The following CSAD variants were observed in gnomAD, a reference collection of about 807,000 sequenced individuals.
CSAD encodes the protein cysteine sulfinic acid decarboxylase, also known as P-selectin cytoplasmic tail-associated protein.
In CSAD, 47 loss-of-function variants were observed where a neutral mutation model predicts 61.5. The ratio of observed to expected loss-of-function variants is 0.76; its 90% CI spans 0.60 to 0.97. The LOEUF (loss-of-function observed/expected upper bound fraction) is 0.97, where lower values mean the gene tolerates loss of function less well. CSAD is among the 50% of genes least tolerant of loss of function. The pLI is 0.00. For missense variants in CSAD, 611 were observed against 643.6 expected, an observed-to-expected ratio of 0.95 and a Z score of 0.55; for synonymous variants, 245 against 252.7, an observed-to-expected ratio of 0.97 and a Z score of 0.29.
intron 16 of CSAD, among the ~76,000 whole-genome samples, chr12:53,159,274 G>T (rs1284928872): frequency 6.6e-6 from 1 of 152,128 alleles, no homozygotes; most frequent in Non-Finnish European, 1.5e-5. Flanking sequence ...TTCTAGACTG[G>T]CTTTCTCGGG....
At chr12:53,170,256 A>G (rs552005686) in intron 9 of CSAD, 130 bp from the exon 10 acceptor site, 2 of 1,013,504 alleles carry the variant, frequency 2.0e-6, no homozygotes, top group Admixed American at 2.0e-5. Flanking sequence ...CTCAGGGCAG[A>G]GGTGGGAGAC....
intron 10 of CSAD, among the ~76,000 whole-genome samples, chr12:53,167,151 G>A (rs902792024): frequency 6.6e-6 from 1 of 152,194 alleles, no homozygotes; most frequent in Non-Finnish European, 1.5e-5. Flanking sequence ...CCCACTTGAT[G>A]ACTAGGAGAG....
chr12:53,171,506 C>T (rs1370829562), intron 7 of CSAD, 65 bp from the exon 8 acceptor site: 1 of 1,487,238 alleles, frequency 6.7e-7, no homozygotes, highest in Non-Finnish European at 9.2e-7. Flanking sequence ...GCTTGCCTCC[C>T]TTCCCTTTCT....
chr12:53,178,309 C>A (rs927592391), intron 2 of CSAD: 15 of 450,354 alleles, frequency 3.3e-5, no homozygotes, highest in Non-Finnish European at 5.3e-5. Flanking sequence ...CCTGTCTCTA[C>A]AAAAAACAAA....
In CSAD at chr12:53,180,747, G is replaced by T; in HGVS notation, c.-106C>A. 1.6e-6 allele frequency: 2 copies of T among 1,266,674 alleles called. No individual in the cohort carries two copies. Among genetic ancestry groups the T allele is most frequent in the Non-Finnish European group, 1.0e-6 (1 of 978,144 alleles). 78.5% of individuals were successfully genotyped at this position (1,266,674 alleles called of 1,614,324 possible). A position where few individuals can be genotyped will look rare whatever the true frequency, so the allele number is the denominator to read the frequency against. ...GTAAACTTGCCTCGGTCCCGGTGGG[G>T]GCAGCCGCGGCGGTGGGGTTGGCAG... On this transcript the variant is annotated 5_prime_UTR_variant, in exon 1 of 17. Coordinates refer to ENST00000444623, the MANE Select transcript of CSAD (RefSeq NM_001244705.2).
intron 10 of CSAD, among the ~76,000 whole-genome samples, chr12:53,168,934 C>A (rs1940227259): frequency 6.6e-6 from 1 of 151,428 alleles, no homozygotes; most frequent in African/African-American, 2.4e-5. Context: ...AATCCCAGCA[C>A]TTTGGGAGGC....
chr12:53,176,177 A>ATCACCTGAGG, intron 2 of CSAD, among the ~76,000 whole-genome samples: 1 of 152,076 alleles, frequency 6.6e-6, no homozygotes, highest in South Asian at 2.1e-4. Context: ...AGGCAGGTGG[A>ATCACCTGAGG]TCACCTGAGG....
rs780191513 is a variant in CSAD at position 53,170,486 on chromosome 12, T to C, written c.584A>G (p.Gln195Arg). Reference protein sequence around the residue: ...FTSKECHYSIQKGAAFLGLGT... With the variant: ...FTSKECHYSIRKGAAFLGLGT... ...AAGTCCCAGAAACGCAGCTCCCTTC[T>C]GGATGGAGTAGTGACACTGTGGGGG... is the stretch of plus-strand genomic sequence containing the variant. The change falls in exon 9 of 17, where the codon CAG (glutamine) becomes CGG (arginine). Residue 195 changes from glutamine (Q) to arginine (R), a missense_variant. Physicochemically the swap from Gln to Arg is conservative, Grantham distance 43 (BLOSUM62 1). Transcript: ENST00000444623. 3.1e-6 allele frequency: 5 copies of C among 1,613,990 alleles called. No homozygotes were observed. The South Asian group carries it at 5.5e-5, about 18-fold the overall frequency.
At chr12:53,159,839 A>T (rs369092249) in intron 15 of CSAD, 48 bp downstream of exon 15, 33 of 1,562,358 alleles carry the variant, frequency 2.1e-5, no homozygotes, top group Non-Finnish European at 2.8e-5. Context: ...TGGGGGCTGC[A>T]AAAGAGCTAG....
intron 1 of CSAD, 35 bp downstream of exon 1, chr12:53,180,697 G>T: frequency 9.4e-6 from 12 of 1,272,482 alleles, no homozygotes; most frequent in Non-Finnish European, 1.1e-5. Context: ...AGTGCTTCCG[G>T]GGAAACGGGC....
chr12:53,170,271 G>C, intron 9 of CSAD, 145 bp from the exon 10 acceptor site: 7 of 975,050 alleles, frequency 7.2e-6, no homozygotes, highest in Non-Finnish European at 1.1e-5. Context: ...GGAGACGCTG[G>C]CAGGCTCTGG....
Position 53,174,797 on chromosome 12 carries a change from T to A in CSAD, c.-49-1027A>T, listed in dbSNP as rs73309149. ...ACAGAGTGGGACTCCATTTCAAAAA[T>A]ATATATATATATGGAGGAATTAAGG... On this transcript the variant is annotated intron_variant, in intron 2 of 16. Transcript: ENST00000444623. Among the ~76,000 whole-genome samples, 1,318 of 151,746 alleles carry A rather than the reference T, an allele frequency of 8.7e-3. 27 individuals are homozygous for A. The highest frequency in any genetic ancestry group is 0.029 in the African/African-American group (1,216 of 41,428).
At chr12:53,173,181 C>T in intron 4 of CSAD, 164 bp downstream of exon 4, 2 of 679,912 alleles carry the variant, frequency 2.9e-6, no homozygotes, top group Non-Finnish European at 4.8e-6. Context: ...GCACTCCAGC[C>T]TGGCCGATAG....
chr12:53,164,153 T>G (rs1236248647), intron 10 of CSAD, among the ~76,000 whole-genome samples: 1 of 152,158 alleles, frequency 6.6e-6, no homozygotes, highest in Non-Finnish European at 1.5e-5. Context: ...ATAAAACTCT[T>G]AGAAGAAAAT....
intron 10 of CSAD, among the ~76,000 whole-genome samples, chr12:53,162,351 C>CCT (rs2121413470): frequency 6.7e-6 from 1 of 150,298 alleles, no homozygotes; most frequent in East Asian, 2.0e-4. Flanking sequence ...GGGTGGATCA[C>CCT]GAGATCAGGA....
intron 10 of CSAD, among the ~76,000 whole-genome samples, chr12:53,168,329 A>C (rs1263475440): frequency 6.6e-6 from 1 of 152,214 alleles, no homozygotes; most frequent in African/African-American, 2.4e-5. Flanking sequence ...ATGCTAAACC[A>C]CTAAATAGTA....
intron 10 of CSAD, among the ~76,000 whole-genome samples, chr12:53,162,297 C>T (rs140472409): frequency 1.2e-3 from 176 of 151,930 alleles, no homozygotes; most frequent in African/African-American, 1.1e-3. Context: ...AGGCTGGGTA[C>T]GGTGGCTCAC....
In CSAD at chr12:53,180,781, G is replaced by C; in HGVS notation, c.-140C>G. Reference sequence around the variant, plus strand: ...GGCGGTGGGGTTGGCAGGGTGTGCTGGGGCCTGGAGGAGGCGCCGCGCGGC... The same window carrying C: ...GGCGGTGGGGTTGGCAGGGTGTGCTCGGGCCTGGAGGAGGCGCCGCGCGGC... On this transcript the variant is annotated 5_prime_UTR_variant, in exon 1 of 17. Coordinates refer to ENST00000444623, the MANE Select transcript of CSAD (RefSeq NM_001244705.2). 1 of 1,272,758 alleles carries C rather than the reference G, an allele frequency of 7.9e-7. No homozygotes were observed. Among genetic ancestry groups the C allele is most frequent in the Non-Finnish European group, 1.0e-6 (1 of 982,338 alleles). 78.8% of individuals were successfully genotyped at this position (1,272,758 alleles called of 1,614,324 possible).
intron 2 of CSAD, among the ~76,000 whole-genome samples, chr12:53,174,702 G>A (rs1331351517): frequency 6.6e-6 from 1 of 152,144 alleles, no homozygotes; most frequent in Non-Finnish European, 1.5e-5. Context: ...GCTGAGGCAG[G>A]ATCCACCTGA....
Sources: gnomAD v4.1 joint callset for allele counts (sites outside exome capture counted in the v4.1 genomes callset) on GRCh38, gnomAD v4.1.1 for gene constraint, MANE v1.5 for transcripts, NCBI Gene and HGNC (gene_info 2026-07-23, HGNC 2026-07-21) for gene names.